Variants in AVEN observed in about 807,000 individuals in gnomAD.
AVEN encodes the protein cell death regulator Aven.
Under a neutral mutation model 38.1 loss-of-function variants are expected in AVEN, and 41 were observed. The ratio of observed to expected loss-of-function variants is 1.08; its 90% CI spans 0.84 to 1.40. The LOEUF (loss-of-function observed/expected upper bound fraction) is 1.40. AVEN is among the 40% of genes most tolerant of loss of function. AVEN has a pLI of 0.00. For synonymous variants in AVEN, 206 were observed against 171.8 expected (o/e 1.20, Z -1.56); for missense variants, 605 against 438.8 (o/e 1.38, Z -3.38).
chr15:33,889,857 A>G (rs940055707), intron 2 of AVEN, among the ~76,000 whole-genome samples: 4 of 152,214 alleles, frequency 2.6e-5, no homozygotes, highest in Admixed American at 2.0e-4. Context: ...ACATTTATAG[A>G]AAATCGGGCA....
chr15:34,074,623 G>A (rs925962702), exon 1 of AVEN, among the ~76,000 whole-genome samples: 6 of 151,882 alleles, frequency 4.0e-5, no homozygotes, highest in East Asian at 1.9e-4. Flanking sequence ...CTTTGGTGTC[G>A]GTCTCTGTGT....
intron 2 of AVEN, among the ~76,000 whole-genome samples, chr15:33,941,802 T>C (rs546024210): frequency 6.6e-6 from 1 of 152,290 alleles, no homozygotes; most frequent in East Asian, 1.9e-4. Flanking sequence ...TGCTTGAAGG[T>C]TGACTTAGAT....
intron 2 of AVEN, among the ~76,000 whole-genome samples, chr15:33,907,816 A>G (rs961762413): frequency 5.6e-4 from 85 of 152,062 alleles, no homozygotes; most frequent in African/African-American, 2.0e-3. Context: ...TATATGGAGT[A>G]AAGATTTCAA....
intron 2 of AVEN, among the ~76,000 whole-genome samples, chr15:33,932,516 G>A (rs1332967402): frequency 6.6e-6 from 1 of 152,160 alleles, no homozygotes; most frequent in Non-Finnish European, 1.5e-5. Context: ...GTCTCCTTAA[G>A]CCAGCGTTAC....
chr15:34,062,506 G>T (rs999792105), intron 5 of AVEN: 1 of 494,940 alleles, frequency 2.0e-6, no homozygotes, highest in Non-Finnish European at 3.4e-6. Context: ...AGAGAGCTGA[G>T]ATCGCACCAC....
chr15:33,973,069 A>AT, intron 2 of AVEN, among the ~76,000 whole-genome samples: 1 of 152,302 alleles, frequency 6.6e-6, no homozygotes, highest in East Asian at 1.9e-4. Context: ...GACATTCTCC[A>AT]TTTTTTGTAT....
chr15:33,963,270 C>T (rs1895267152), intron 2 of AVEN, among the ~76,000 whole-genome samples: 1 of 152,208 alleles, frequency 6.6e-6, no homozygotes, highest in Non-Finnish European at 1.5e-5. Context: ...GTCCCTAAGA[C>T]TGTTTCTATG....
At chr15:33,906,915 T>A (rs1477186855) in intron 2 of AVEN, among the ~76,000 whole-genome samples, 2 of 152,126 alleles carry the variant, frequency 1.3e-5, no homozygotes, top group East Asian at 1.9e-4. Flanking sequence ...ACACAATTTT[T>A]AAAATGTATT....
At chr15:33,854,480 T>A, downstream of AVEN, 1 of 1,524,084 alleles carries the variant, frequency 6.6e-7, no homozygotes. Context: ...AACAAAATTC[T>A]ATACCCCAGT....
At chr15:33,889,152 C>T (rs1891830581) in intron 2 of AVEN, among the ~76,000 whole-genome samples, 1 of 152,134 alleles carries the variant, frequency 6.6e-6, no homozygotes, top group Non-Finnish European at 1.5e-5. Context: ...GAACATCTTC[C>T]AGATTTCTAA....
downstream of AVEN, among the ~76,000 whole-genome samples, chr15:33,854,109 C>G (rs2079386709): frequency 6.6e-6 from 1 of 151,538 alleles, no homozygotes; most frequent in Non-Finnish European, 1.5e-5. Context: ...GGCAGGAGAA[C>G]CGCTTGAACC....
intron 2 of AVEN, among the ~76,000 whole-genome samples, chr15:33,981,108 C>T (rs1328790984): frequency 6.6e-6 from 1 of 151,910 alleles, no homozygotes; most frequent in Non-Finnish European, 1.5e-5. Flanking sequence ...GACAGCAACC[C>T]CTCTTAATTT....
chr15:33,962,374 A>G (rs1246345452), intron 2 of AVEN, among the ~76,000 whole-genome samples: 1 of 152,034 alleles, frequency 6.6e-6, no homozygotes, highest in Non-Finnish European at 1.5e-5. Flanking sequence ...AGCTTCCCCA[A>G]TTTCAGCATA....
chr15:34,051,769 C>T (rs1183939812), intron 5 of AVEN, among the ~76,000 whole-genome samples: 31 of 152,002 alleles, frequency 2.0e-4, no homozygotes, highest in Non-Finnish European at 2.9e-5. Flanking sequence ...AACACATACA[C>T]CCTCCCAAGA....
intron 2 of AVEN, among the ~76,000 whole-genome samples, chr15:34,002,355 AAT>A (rs1179435298): frequency 1.3e-5 from 2 of 151,172 alleles, no homozygotes. Context: ...GGAAATCACT[AAT>A]CTATCTTCCA....
chr15:33,925,470 G>A lies in AVEN; in HGVS notation c.446-49475C>T, dbSNP rs141333716. Among the ~76,000 whole-genome samples, 10 of 152,306 alleles carry A rather than the reference G, an allele frequency of 6.6e-5. No homozygotes were observed. The East Asian group carries it at 1.9e-3, about 29-fold the overall frequency. ...ACAAATAGGGCCATTCCATGCCAAT[G>A]CCAATAGTTTCCCTGGTGCTCCAGT... On this transcript the variant is annotated intron_variant, in intron 2 of 5. Coordinates refer to ENST00000306730, the MANE Select transcript of AVEN (RefSeq NM_020371.3).
chr15:33,864,205 T>C (rs769815751), downstream of AVEN: 4 of 1,598,032 alleles, frequency 2.5e-6, no homozygotes, highest in South Asian at 4.5e-5. Flanking sequence ...AAATTAAGAA[T>C]CATATACCCG....
At chr15:33,892,387 G>T (rs78580260) in intron 2 of AVEN, among the ~76,000 whole-genome samples, 124,683 of 152,134 alleles carry the variant, frequency 0.82, 55,191 homozygotes, top group Non-Finnish European at 0.98. Context: ...TTAATCCATC[G>T]TGAATTAATT....
chr15:33,953,809 G>A (rs1478700082), intron 2 of AVEN, among the ~76,000 whole-genome samples: 4 of 152,134 alleles, frequency 2.6e-5, no homozygotes, highest in East Asian at 3.9e-4. Flanking sequence ...TAAACTAAAC[G>A]GCTTCTGCAC....
Sources: allele counts gnomAD v4.1 joint callset (sites outside exome capture counted in the v4.1 genomes callset), GRCh38; gene constraint gnomAD v4.1.1; transcripts MANE v1.5; gene names NCBI Gene and HGNC (gene_info 2026-07-23, HGNC 2026-07-21).